Variants in CCDC33 observed in about 807,000 individuals in gnomAD.
CCDC33 encodes coiled-coil domain containing 33.
CCDC33 carries 94 observed loss-of-function variants against 91.9 expected under a neutral mutation model. The observed-to-expected ratio is 1.02, with a 90% CI of 0.87 to 1.21. The LOEUF (loss-of-function observed/expected upper bound fraction) is 1.21. Among genes scored for constraint, CCDC33 ranks in the 50% most tolerant of loss-of-function variants. The pLI, the probability that CCDC33 is intolerant of heterozygous loss-of-function variation, is 0.00. For missense variants in CCDC33, 940 were observed against 935.5 expected, an observed-to-expected ratio of 1.00 and a Z score of -0.06; for synonymous variants, 396 against 374.5, an observed-to-expected ratio of 1.06 and a Z score of -0.66.
chr15:74,254,331 G>A (rs187063), intron 2 of CCDC33, among the ~76,000 whole-genome samples: 4,929 of 152,098 alleles, frequency 0.032, 241 homozygotes, highest in African/African-American at 0.11. Context: ...GCGCCCGGAC[G>A]CCTCTCTCAA....
At chr15:74,313,984 C>A (rs923583906) in intron 11 of CCDC33, among the ~76,000 whole-genome samples, 4 of 152,206 alleles carry the variant, frequency 2.6e-5, no homozygotes, top group African/African-American at 9.7e-5. Context: ...GTCCTGTCTG[C>A]ACTCCCACGG....
intron 1 of CCDC33, among the ~76,000 whole-genome samples, chr15:74,241,224 A>G (rs1296993274): frequency 6.6e-6 from 1 of 151,666 alleles, no homozygotes; most frequent in Admixed American, 6.6e-5. Context: ...CCTCAGTCAG[A>G]GGAAGGAGAG....
In CCDC33 at chr15:74,333,980, C is replaced by T. The variant is rs953552553; in HGVS notation, c.2025+13C>T. The T allele has an allele frequency of 5.0e-6, 8 of 1,611,192 alleles. No individual in the cohort carries two copies. Among genetic ancestry groups the T allele is most frequent in the Non-Finnish European group, 6.8e-6 (8 of 1,177,872 alleles). On this transcript the variant is annotated intron_variant, in intron 17 of 18. Transcript: ENST00000398814. ...CCTGGAAAGCCAGGTGGGTGAGATGCAGGAGTTGATGAGGCTGGATCAGGC... is the reference window on the plus strand; with the variant it reads ...CCTGGAAAGCCAGGTGGGTGAGATGTAGGAGTTGATGAGGCTGGATCAGGC...
chr15:74,240,075 C>T (rs2075298711), intron 1 of CCDC33, among the ~76,000 whole-genome samples: 1 of 152,238 alleles, frequency 6.6e-6, no homozygotes, highest in African/African-American at 2.4e-5. Flanking sequence ...CCCTTGGCCC[C>T]AAGCCTCCCT....
In CCDC33 at chr15:74,272,775, A is replaced by G. The variant is rs370347829; in HGVS notation, c.643A>G (p.Ser215Gly). 6.2e-5 allele frequency: 100 copies of G among 1,613,988 alleles called. No individual in the cohort carries two copies. The highest frequency in any genetic ancestry group is 8.1e-5 in the Non-Finnish European group (96 of 1,180,032). ...CCTGTCTCCCTGCCTCCCCAGGGTC[A>G]GCCAGGCTAACAGGGACCTGGCCTC... is the stretch of plus-strand genomic sequence containing the variant. ...VVPNYKEFKV[S>G]QANRDLASVG... Residue 215 changes from serine (S) to glycine (G), a missense_variant, in exon 7 of 19, where the codon AGC (serine) becomes GGC (glycine). Physicochemically the swap from Ser to Gly is moderately conservative, Grantham distance 56 (BLOSUM62 0). Transcript: ENST00000398814.
At chr15:74,333,605 T>C (rs532308429) in intron 16 of CCDC33, among the ~76,000 whole-genome samples, 9 of 152,340 alleles carry the variant, frequency 5.9e-5, no homozygotes, top group African/African-American at 2.2e-4. Flanking sequence ...GCGTTAATTA[T>C]AGGGGGCTCC....
chr15:74,236,102 A>G (rs2075145688), upstream of CCDC33, among the ~76,000 whole-genome samples: 1 of 152,240 alleles, frequency 6.6e-6, no homozygotes, highest in African/African-American at 2.4e-5. Context: ...CTTGAGCAGC[A>G]TGGGGCTGGC....
intron 2 of CCDC33, among the ~76,000 whole-genome samples, chr15:74,251,309 T>C (rs2142313665): frequency 6.6e-6 from 1 of 152,284 alleles, no homozygotes; most frequent in Admixed American, 6.5e-5. Context: ...GCCCTGGGGC[T>C]TGAACAGTAC....
At chr15:74,327,017 G>C (rs1436809644) in intron 11 of CCDC33, among the ~76,000 whole-genome samples, 1 of 152,190 alleles carries the variant, frequency 6.6e-6, no homozygotes, top group Non-Finnish European at 1.5e-5. Flanking sequence ...CTGTGCGGGT[G>C]GGGGAAGCCG....
intron 11 of CCDC33, among the ~76,000 whole-genome samples, chr15:74,325,971 T>G (rs2060302163): frequency 6.6e-6 from 1 of 152,178 alleles, no homozygotes; most frequent in South Asian, 2.1e-4. Flanking sequence ...TTCTATACAA[T>G]GAAAGTAGTC....
chr15:74,316,629 C>A lies in CCDC33; in HGVS notation c.1291-13560C>A, dbSNP rs2060093119. The stretch of plus-strand genomic sequence containing the variant: ...GGGGCAGGAGCAGGAAGATTTAAGG[C>A]CCACATCTCAGTGCCAGCCAGTGAC... On this transcript the variant is annotated intron_variant, in intron 11 of 18. Coordinates refer to ENST00000398814, the MANE Select transcript of CCDC33 (RefSeq NM_025055.5). The surrounding 1 kb of genome is among the most constrained non-coding windows in gnomAD (Gnocchi z 4.7). Among the ~76,000 whole-genome samples the A allele has an allele frequency of 6.6e-6, 1 of 152,062 alleles. No homozygotes were observed. Among genetic ancestry groups the A allele is most frequent in the Non-Finnish European group, 1.5e-5 (1 of 68,004 alleles).
intron 11 of CCDC33, among the ~76,000 whole-genome samples, chr15:74,325,045 A>G (rs1173036874): frequency 7.3e-6 from 1 of 136,138 alleles, no homozygotes; most frequent in African/African-American, 2.8e-5. Context: ...CTGCTCTGCC[A>G]TCCCCAACCC....
intron 11 of CCDC33, among the ~76,000 whole-genome samples, chr15:74,305,184 T>G (rs1359480536): frequency 6.6e-6 from 1 of 152,162 alleles, no homozygotes; most frequent in Non-Finnish European, 1.5e-5. Context: ...TGACCTCAAG[T>G]GATCCACCCG....
chr15:74,279,788 T>C (rs900696627), intron 7 of CCDC33, among the ~76,000 whole-genome samples, 175 bp from the exon 8 acceptor site: 3 of 152,236 alleles, frequency 2.0e-5, no homozygotes, highest in Admixed American at 6.5e-5. Context: ...CCACTTGCCT[T>C]GGCCTCCCGA....
At chr15:74,238,491 T>C (rs192569754) in intron 1 of CCDC33, among the ~76,000 whole-genome samples, 5 of 152,298 alleles carry the variant, frequency 3.3e-5, no homozygotes, top group Admixed American at 6.5e-5. Flanking sequence ...CCAGTTCATG[T>C]TTTTTAAATT....
chr15:74,334,526 G>A (rs1049425159), intron 17 of CCDC33, among the ~76,000 whole-genome samples: 1 of 151,778 alleles, frequency 6.6e-6, no homozygotes, highest in Non-Finnish European at 1.5e-5. Context: ...GTGCAGCCAG[G>A]GTTAGGATTC....
intron 10 of CCDC33, among the ~76,000 whole-genome samples, chr15:74,294,238 G>T (rs1306974145): frequency 6.6e-6 from 1 of 152,148 alleles, no homozygotes; most frequent in Non-Finnish European, 1.5e-5. Context: ...TGTCTGCTAT[G>T]CAGCCAAGAG....
At chr15:74,289,893 A>G (rs1335823380) in intron 10 of CCDC33, among the ~76,000 whole-genome samples, 2 of 152,268 alleles carry the variant, frequency 1.3e-5, no homozygotes, top group Non-Finnish European at 2.9e-5. Context: ...CAGAATGCAG[A>G]GATGACTGAG....
chr15:74,293,664 A>G (rs1439842898), intron 10 of CCDC33, among the ~76,000 whole-genome samples: 1 of 152,184 alleles, frequency 6.6e-6, no homozygotes, highest in East Asian at 1.9e-4. Context: ...GGTGGGAGAG[A>G]GAGCCAGGCC....
Sources: allele counts gnomAD v4.1 joint callset (sites outside exome capture counted in the v4.1 genomes callset), GRCh38; gene constraint gnomAD v4.1.1; non-coding constraint Gnocchi (gnomAD v3.1); transcripts MANE v1.5; gene names NCBI Gene and HGNC (gene_info 2026-07-23, HGNC 2026-07-21).